The following CLEC2D variants were observed in gnomAD, a reference collection of about 807,000 sequenced individuals.
The protein encoded by CLEC2D is C-type lectin domain family 2 member D.
A neutral mutation model predicts 20.0 loss-of-function variants in CLEC2D; 16 were observed. The ratio of observed to expected loss-of-function variants is 0.80; its 90% CI spans 0.54 to 1.22. CLEC2D has a LOEUF of 1.22. Ranked by LOEUF, CLEC2D falls within the 50% of genes most tolerant of loss-of-function variation. The pLI is 0.00. For synonymous variants in CLEC2D, 77 were observed against 71.1 expected (o/e 1.08, Z -0.42); for missense variants, 207 against 221.5 (o/e 0.93, Z 0.42).
chr12:9,687,280 C>T (rs1279892801), intron 2 of CLEC2D, among the ~76,000 whole-genome samples: 1 of 152,170 alleles, frequency 6.6e-6, no homozygotes, highest in African/African-American at 2.4e-5. Context: ...ATTAGATTCT[C>T]ACAAGGAGCC....
intron 1 of CLEC2D, among the ~76,000 whole-genome samples, chr12:9,673,761 G>A (rs1353516881): frequency 6.6e-6 from 1 of 152,204 alleles, no homozygotes; most frequent in Non-Finnish European, 1.5e-5. Flanking sequence ...TTCTTGCAGG[G>A]ATGACCTGCC....
At position 9,695,647 on chromosome 12, in the gene CLEC2D, C is replaced by G. The variant is rs555022917; in HGVS notation, c.*773C>G. On this transcript the variant is annotated 3_prime_UTR_variant, in exon 5 of 5. Transcript: ENST00000290855. ...AATGTCTGTACAGCCAACGGTTTCTCTTGGGGGCTTTGAAATAACACCACC... is the reference window on the plus strand; with the variant it reads ...AATGTCTGTACAGCCAACGGTTTCTGTTGGGGGCTTTGAAATAACACCACC... 6.3e-7 allele frequency: 1 copy of G among 1,575,382 alleles called. No individual in the cohort carries two copies. The highest frequency in any genetic ancestry group is 1.3e-5 in the African/African-American group (1 of 74,400).
chr12:9,673,775 T>G (rs1243661842), intron 1 of CLEC2D, among the ~76,000 whole-genome samples: 3 of 152,128 alleles, frequency 2.0e-5, no homozygotes, highest in African/African-American at 7.2e-5. Context: ...ACCTGCCTGG[T>G]GAGGAGGGAT....
chr12:9,687,304 C>T (rs1865770365), intron 2 of CLEC2D, among the ~76,000 whole-genome samples: 1 of 152,184 alleles, frequency 6.6e-6, no homozygotes, highest in Non-Finnish European at 1.5e-5. Flanking sequence ...AACCTAGATT[C>T]CTCACATGAG....
intron 1 of CLEC2D, among the ~76,000 whole-genome samples, chr12:9,675,152 C>G (rs542198548): frequency 6.7e-6 from 1 of 148,604 alleles, no homozygotes; most frequent in Non-Finnish European, 1.5e-5. Flanking sequence ...GTCTGCTACT[C>G]TGCTTTCTAT....
intron 2 of CLEC2D, among the ~76,000 whole-genome samples, chr12:9,683,375 A>T (rs1865686015): frequency 8.1e-6 from 1 of 123,720 alleles, no homozygotes; most frequent in African/African-American, 3.5e-5. Context: ...TCTTTAGTTA[A>T]ATTAGATCCC....
intron 1 of CLEC2D, among the ~76,000 whole-genome samples, chr12:9,677,143 C>G (rs990891882): frequency 4.0e-5 from 6 of 150,920 alleles, no homozygotes; most frequent in South Asian, 4.2e-4. Flanking sequence ...TTCTTTTCTT[C>G]TGTTTAATTT....
intron 3 of CLEC2D, among the ~76,000 whole-genome samples, chr12:9,690,153 A>G (rs1330317406): frequency 6.6e-6 from 1 of 152,122 alleles, no homozygotes; most frequent in Non-Finnish European, 1.5e-5. Flanking sequence ...GAATAAAATT[A>G]ATAGCTGATT....
intron 1 of CLEC2D, among the ~76,000 whole-genome samples, chr12:9,676,541 T>G (rs1013388320): frequency 6.6e-6 from 1 of 152,162 alleles, no homozygotes; most frequent in Admixed American, 6.5e-5. Flanking sequence ...TCACAGTATA[T>G]AATTCTTTTT....
chr12:9,678,130 C>G (rs778968102), intron 1 of CLEC2D, among the ~76,000 whole-genome samples: 1 of 152,242 alleles, frequency 6.6e-6, no homozygotes, highest in Non-Finnish European at 1.5e-5. Context: ...TAGTTAAATA[C>G]TCTCTTGTTA....
At position 9,696,358 on chromosome 12, in the gene CLEC2D, C is replaced by T. The variant is rs1274291546; in HGVS notation, c.*1484C>T. ...CCTACCATGTTTGATAAATGTTGTC[C>T]AGGTTCTATTGCCAAGAATGTGTTG... On this transcript the variant is annotated 3_prime_UTR_variant, in exon 5 of 5. Transcript: ENST00000290855. 1.9e-6 allele frequency: 1 copy of T among 522,526 alleles called. No individual in the cohort carries two copies. 32.4% of individuals were successfully genotyped at this position (522,526 alleles called of 1,614,324 possible).
chr12:9,695,840 AACTT>A lies in CLEC2D; in HGVS notation c.*967_*970del, dbSNP rs1200401133. On this transcript the variant is annotated 3_prime_UTR_variant, in exon 5 of 5. Coordinates refer to ENST00000290855, the MANE Select transcript of CLEC2D (RefSeq NM_013269.6). The stretch of plus-strand genomic sequence containing the variant: ...CCTGGAGGTGGGCAGAAAAAAGTAA[AACTT>A]GCTGCTGCTGCTGATGATGATGATG... 6.1e-5 allele frequency: 59 copies of A among 967,640 alleles called. No homozygotes were observed. The Middle Eastern group carries it at 1.2e-3, about 20-fold the overall frequency. 59.9% of individuals were successfully genotyped at this position (967,640 alleles called of 1,614,324 possible).
chr12:9,683,338 T>TTG (rs1865683415), intron 2 of CLEC2D, among the ~76,000 whole-genome samples: 1 of 81,308 alleles, frequency 1.2e-5, no homozygotes, highest in African/African-American at 3.3e-5. Flanking sequence ...TGTGTTTGTT[T>TTG]TTTTTTTTTT....
intron 2 of CLEC2D, among the ~76,000 whole-genome samples, chr12:9,681,258 G>T (rs1486101108): frequency 2.6e-5 from 4 of 152,006 alleles, no homozygotes; most frequent in Admixed American, 6.6e-5. Flanking sequence ...GAAGGTAGAA[G>T]ACAGACCACT....
chr12:9,680,150 T>A (rs1233848016), intron 1 of CLEC2D: 3 of 210,264 alleles, frequency 1.4e-5, no homozygotes, highest in Non-Finnish European at 3.1e-5. Context: ...GTTTTCATGA[T>A]ATCTGATGGT....
At chr12:9,688,124 C>G (rs1431014018) in intron 3 of CLEC2D, 38 bp downstream of exon 3, 1 of 1,510,026 alleles carries the variant, frequency 6.6e-7, no homozygotes, top group African/African-American at 1.4e-5. Flanking sequence ...AAGATTCAGC[C>G]CTACAAGGAT....
rs1385107314 is a variant in CLEC2D, at chr12:9,669,749, C to CA, written c.17dup (p.Asn6LysfsTer10). 1.9e-6 allele frequency: 3 copies of CA among 1,613,398 alleles called. No individual in the cohort carries two copies. In the African/African-American group the frequency reaches 4.0e-5, roughly 22 times the overall value. ...CTGGAGGCAAAATGCATGACAGTAACAATGTGGAGAAAGACATTACACCAT... is the reference window on the plus strand; with the variant it reads ...CTGGAGGCAAAATGCATGACAGTAACAAATGTGGAGAAAGACATTACACCAT... On this transcript the variant is annotated frameshift_variant, in exon 1 of 5. Coordinates refer to ENST00000290855, the MANE Select transcript of CLEC2D (RefSeq NM_013269.6). LOFTEE classifies it high-confidence loss of function.
In CLEC2D at chr12:9,696,701, A is replaced by G. The variant is rs754237303; in HGVS notation, c.*1827A>G. On this transcript the variant is annotated 3_prime_UTR_variant, in exon 5 of 5. Coordinates refer to ENST00000290855, the MANE Select transcript of CLEC2D (RefSeq NM_013269.6). The stretch of plus-strand genomic sequence containing the variant: ...TATCAGATGGCTATATCAAAAAGAC[A>G]AGAAATAACAAGCATTGGTGAGAGT... 2.5e-3 allele frequency: 392 copies of G among 159,182 alleles called. 2 individuals are homozygous for G. Among genetic ancestry groups the G allele is most frequent in the Non-Finnish European group, 3.3e-3 (239 of 72,608 alleles). 9.9% of individuals were successfully genotyped at this position (159,182 alleles called of 1,614,324 possible). A position where few individuals can be genotyped will look rare whatever the true frequency, so the allele number is the denominator to read the frequency against.
At chr12:9,691,486 C>G (rs893285715) in intron 3 of CLEC2D, among the ~76,000 whole-genome samples, 7 of 150,232 alleles carry the variant, frequency 4.7e-5, no homozygotes, top group African/African-American at 1.7e-4. Context: ...GCACATGGAA[C>G]ATTCTTAAAC....
Sources: gnomAD v4.1 joint callset for allele counts (sites outside exome capture counted in the v4.1 genomes callset) on GRCh38, gnomAD v4.1.1 for gene constraint, MANE v1.5 for transcripts, NCBI Gene and HGNC (gene_info 2026-07-23, HGNC 2026-07-21) for gene names.